STK32C: variants seen among roughly 807,000 people sequenced by gnomAD.
STK32C encodes the protein serine/threonine-protein kinase 32C.
In STK32C, 31 loss-of-function variants were observed where a neutral mutation model predicts 56.5. That is an observed-to-expected ratio of 0.55 (90% CI 0.41 to 0.74). The LOEUF is 0.74. Among genes scored for constraint, STK32C ranks in the 30% least tolerant of loss-of-function variants. The probability of loss-of-function intolerance (pLI) is 0.00; values close to 1 mark genes in which losing one functional copy is unlikely to be tolerated. For synonymous variants in STK32C, 309 were observed against 289.4 expected (o/e 1.07, Z -0.69); for missense variants, 544 against 676.9 (o/e 0.80, Z 2.18).
intron 1 of STK32C, among the ~76,000 whole-genome samples, chr10:132,271,136 A>G (rs907433060): frequency 5.9e-5 from 9 of 152,230 alleles, no homozygotes; most frequent in African/African-American, 1.9e-4. Context: ...GGGGGTGAGG[A>G]GTGTCCTAAC....
intron 2 of STK32C, among the ~76,000 whole-genome samples, chr10:132,237,785 C>T (rs2063346935): frequency 6.6e-6 from 1 of 152,240 alleles, no homozygotes; most frequent in Non-Finnish European, 1.5e-5. Context: ...GAGAACCAGC[C>T]CTGGAAGAAT....
At chr10:132,265,229 C>T (rs1300856718) in intron 1 of STK32C, among the ~76,000 whole-genome samples, 1 of 141,792 alleles carries the variant, frequency 7.1e-6, no homozygotes, top group Non-Finnish European at 1.5e-5. Context: ...GCTGCCAGGG[C>T]AGCGAGGTGG....
intron 1 of STK32C, among the ~76,000 whole-genome samples, chr10:132,253,542 AGTCGAGGGAGCTGGAGG>A (rs2063993341): frequency 9.8e-6 from 1 of 102,194 alleles, no homozygotes; most frequent in Non-Finnish European, 1.8e-5. Flanking sequence ...AGCTGGAGGG[AGTCGAGGGAGCTGGAGG>A]GAGTCGAGGG....
intron 1 of STK32C, among the ~76,000 whole-genome samples, chr10:132,276,108 T>G (rs1054675515): frequency 6.6e-6 from 1 of 152,182 alleles, no homozygotes; most frequent in Non-Finnish European, 1.5e-5. Flanking sequence ...TGGAGGTAAT[T>G]CTGGGGCCCA....
intron 1 of STK32C, among the ~76,000 whole-genome samples, chr10:132,263,803 C>A (rs1051061653): frequency 1.4e-5 from 2 of 145,792 alleles, no homozygotes. Flanking sequence ...GAGGCAGAGG[C>A]TGCCGTGAGC....
intron 1 of STK32C, among the ~76,000 whole-genome samples, chr10:132,283,873 C>G (rs375812922): frequency 1.3e-5 from 2 of 152,170 alleles, no homozygotes; most frequent in East Asian, 3.9e-4. Context: ...GCCCAGGAGG[C>G]CTCCCTGAGT....
At chr10:132,228,981 A>G (rs754234117) in intron 2 of STK32C, among the ~76,000 whole-genome samples, 12 of 152,212 alleles carry the variant, frequency 7.9e-5, no homozygotes, top group East Asian at 3.9e-4. Flanking sequence ...CGGTGTCAAC[A>G]CTGATGCCGC....
At chr10:132,272,688 C>T (rs1486704599) in intron 1 of STK32C, among the ~76,000 whole-genome samples, 1 of 152,228 alleles carries the variant, frequency 6.6e-6, no homozygotes, top group African/African-American at 2.4e-5. Context: ...AGCCTGGTCT[C>T]CCCGCCTCCA....
intron 1 of STK32C, among the ~76,000 whole-genome samples, chr10:132,256,442 T>C (rs2064125115): frequency 6.6e-6 from 1 of 152,164 alleles, no homozygotes; most frequent in African/African-American, 2.4e-5. Flanking sequence ...TGTTCCGGTG[T>C]TTAATATCGA....
chr10:132,313,120 A>G (rs1191790678), intron 1 of STK32C, among the ~76,000 whole-genome samples: 2 of 152,138 alleles, frequency 1.3e-5, no homozygotes, highest in Non-Finnish European at 2.9e-5. Flanking sequence ...GTCTCCTGAT[A>G]CCCCCTCCCT....
At chr10:132,216,486 AG>A (rs1357597817) in intron 10 of STK32C, among the ~76,000 whole-genome samples, 1 of 150,338 alleles carries the variant, frequency 6.7e-6, no homozygotes, top group African/African-American at 2.4e-5. Flanking sequence ...AAAAAAAGAG[AG>A]AAAAAAAAGA....
chr10:132,247,124 G>A (rs966151391), intron 1 of STK32C, among the ~76,000 whole-genome samples: 2 of 152,228 alleles, frequency 1.3e-5, no homozygotes, highest in African/African-American at 4.8e-5. Context: ...GCAGACCCGG[G>A]GAGACAGCAG....
rs568146631 is a variant in STK32C, at chr10:132,250,632, G to A, written c.263-4677C>T. Among the ~76,000 whole-genome samples, 12 of 150,180 alleles carry A rather than the reference G, an allele frequency of 8.0e-5. No individual in the cohort carries two copies. In the South Asian group the frequency reaches 1.7e-3, roughly 21 times the overall value. On this transcript the variant is annotated intron_variant, in intron 1 of 11. Coordinates refer to ENST00000298630, the MANE Select transcript of STK32C (RefSeq NM_173575.4). ...CCGCCCCGAGGCAGGTGGGTGTGAG[G>A]TGCCCGGGACAGGTCACTGCAGAGA...
intron 2 of STK32C, among the ~76,000 whole-genome samples, chr10:132,240,694 TTC>T (rs1405312057): frequency 2.0e-5 from 3 of 152,066 alleles, no homozygotes; most frequent in Non-Finnish European, 4.4e-5. Context: ...GCGCCTGTGC[TTC>T]TCTCTCTCTC....
chr10:132,239,430 C>T (rs917643154), intron 2 of STK32C, among the ~76,000 whole-genome samples: 3 of 152,234 alleles, frequency 2.0e-5, no homozygotes, highest in Admixed American at 2.0e-4. Flanking sequence ...ATCAAACCAT[C>T]TTAGTCCCAA....
intron 10 of STK32C, among the ~76,000 whole-genome samples, chr10:132,209,830 T>A (rs2062233349): frequency 6.6e-6 from 1 of 152,126 alleles, no homozygotes; most frequent in African/African-American, 2.4e-5. Flanking sequence ...CAGTGAAAAG[T>A]GCAGGGAGTC....
At chr10:132,236,721 G>A (rs905926824) in intron 2 of STK32C, among the ~76,000 whole-genome samples, 1 of 152,164 alleles carries the variant, frequency 6.6e-6, no homozygotes, top group Non-Finnish European at 1.5e-5. Context: ...ACTTAGAGGC[G>A]TGTCTCCCAC....
chr10:132,209,377 G>A (rs564846934), intron 10 of STK32C: 2 of 679,788 alleles, frequency 2.9e-6, no homozygotes, highest in Non-Finnish European at 5.4e-6. Context: ...GCAGGACCAG[G>A]CAGAAGCTGT....
chr10:132,297,468 G>A (rs1267776041), intron 1 of STK32C, among the ~76,000 whole-genome samples: 1 of 152,224 alleles, frequency 6.6e-6, no homozygotes, highest in Non-Finnish European at 1.5e-5. Flanking sequence ...CACGCACTCT[G>A]GGGCTGGGGT....
Sources: gnomAD v4.1 joint callset for allele counts (sites outside exome capture counted in the v4.1 genomes callset) on GRCh38, gnomAD v4.1.1 for gene constraint, MANE v1.5 for transcripts, NCBI Gene and HGNC (gene_info 2026-07-23, HGNC 2026-07-21) for gene names.